Variants in MYO1D observed in about 807,000 individuals in gnomAD.
MYO1D encodes the protein unconventional myosin-Id.
A neutral mutation model predicts 122.0 loss-of-function variants in MYO1D; 83 were observed. The ratio of observed to expected loss-of-function variants is 0.68; its 90% CI spans 0.57 to 0.82. The LOEUF is 0.82. MYO1D is among the 40% of genes least tolerant of loss of function. The pLI is 0.00. For missense variants in MYO1D, 1,157 were observed against 1,269.5 expected (o/e 0.91, Z 1.35); for synonymous variants, 464 against 446.9 (o/e 1.04, Z -0.48).
chr17:32,800,780 T>TCA (rs1016951726), intron 1 of MYO1D, among the ~76,000 whole-genome samples: 5 of 152,140 alleles, frequency 3.3e-5, no homozygotes, highest in African/African-American at 1.2e-4. Context: ...TAATCATAGT[T>TCA]CACTATAGCT....
intron 1 of MYO1D, among the ~76,000 whole-genome samples, chr17:32,854,304 G>A (rs1385709650): frequency 1.3e-5 from 2 of 152,214 alleles, no homozygotes; most frequent in Non-Finnish European, 2.9e-5. Flanking sequence ...TCCTGGCAGA[G>A]TAGACTAGTA....
intron 21 of MYO1D, among the ~76,000 whole-genome samples, chr17:32,497,266 A>G (rs983907246): frequency 3.9e-5 from 6 of 152,040 alleles, no homozygotes; most frequent in African/African-American, 1.2e-4. Context: ...ATAGCCCAGG[A>G]GCCCATCGCT....
intron 2 of MYO1D, 88 bp from the exon 3 acceptor site, chr17:32,778,661 C>A (rs2090204963): frequency 4.3e-6 from 5 of 1,167,064 alleles, no homozygotes. Flanking sequence ...AAATCTGATA[C>A]TGGTGATGCA....
chr17:32,876,219 A>G (rs543328468), intron 1 of MYO1D, among the ~76,000 whole-genome samples: 1 of 152,310 alleles, frequency 6.6e-6, no homozygotes, highest in East Asian at 1.9e-4. Flanking sequence ...CGGAACAGAC[A>G]GCTCAGGGAT....
At chr17:32,807,675 G>A (rs1488974030) in intron 1 of MYO1D, among the ~76,000 whole-genome samples, 1 of 152,198 alleles carries the variant, frequency 6.6e-6, no homozygotes, top group Non-Finnish European at 1.5e-5. Context: ...GTGTGCACAT[G>A]CTTTGGTGAC....
At chr17:32,788,147 C>T (rs1338348170) in intron 1 of MYO1D, among the ~76,000 whole-genome samples, 1 of 152,146 alleles carries the variant, frequency 6.6e-6, no homozygotes, top group Non-Finnish European at 1.5e-5. Context: ...TGGTAATTCT[C>T]CATCCTGTCG....
At chr17:32,578,223 T>G (rs896354595) in intron 21 of MYO1D, among the ~76,000 whole-genome samples, 8 of 152,264 alleles carry the variant, frequency 5.3e-5, no homozygotes, top group African/African-American at 1.9e-4. Flanking sequence ...TAAGTTCTTT[T>G]ATTCAACCCA....
intron 1 of MYO1D, among the ~76,000 whole-genome samples, chr17:32,784,565 T>C (rs1486914290): frequency 3.3e-5 from 5 of 152,234 alleles, no homozygotes; most frequent in Admixed American, 6.5e-5. Context: ...CACTGGCTTT[T>C]AAGTGAAACA....
rs529824811 is a variant in MYO1D, at chr17:32,672,449, A to G, written c.2122-13111T>C. Among the ~76,000 whole-genome samples, 9 of 152,292 alleles carry G rather than the reference A, an allele frequency of 5.9e-5. No homozygotes were observed. In the East Asian group the frequency reaches 1.7e-3, roughly 29 times the overall value. On this transcript the variant is annotated intron_variant, in intron 16 of 21. Coordinates refer to ENST00000318217, the MANE Select transcript of MYO1D (RefSeq NM_015194.3). ...ACTACTACACTACTACATTCTTCAT[A>G]TATACGCAGATAATTCCCAATCATA...
chr17:32,643,606 T>C (rs192028422), intron 19 of MYO1D, among the ~76,000 whole-genome samples: 2 of 152,340 alleles, frequency 1.3e-5, no homozygotes, highest in African/African-American at 2.4e-5. Context: ...GATCCTGTTA[T>C]TGGTCTATTA....
At chr17:32,755,445 G>A in intron 11 of MYO1D, 47 bp downstream of exon 11, 2 of 1,575,598 alleles carry the variant, frequency 1.3e-6, no homozygotes, top group Non-Finnish European at 1.7e-6. Flanking sequence ...CAAACAATAA[G>A]GAGAACCTCA....
intron 16 of MYO1D, among the ~76,000 whole-genome samples, chr17:32,670,075 T>C (rs967030766): frequency 6.6e-6 from 1 of 152,086 alleles, no homozygotes; most frequent in Non-Finnish European, 1.5e-5. Flanking sequence ...TGTCTTTTTT[T>C]AGTAGAGACG....
chr17:32,834,977 A>G (rs2090808116), intron 1 of MYO1D, among the ~76,000 whole-genome samples: 1 of 152,202 alleles, frequency 6.6e-6, no homozygotes, highest in Non-Finnish European at 1.5e-5. Context: ...GCGCCACTGC[A>G]TTCCAGCCTG....
intron 8 of MYO1D, among the ~76,000 whole-genome samples, chr17:32,762,364 C>T (rs2090010062): frequency 6.6e-6 from 1 of 152,138 alleles, no homozygotes. Flanking sequence ...TTGCTTCTCT[C>T]ATTCTCCACA....
Position 32,849,705 on chromosome 17 carries a change from C to G in MYO1D, c.95+27073G>C, listed in dbSNP as rs542447869. On this transcript the variant is annotated intron_variant, in intron 1 of 21. Coordinates refer to ENST00000318217, the MANE Select transcript of MYO1D (RefSeq NM_015194.3). The stretch of plus-strand genomic sequence containing the variant: ...GGAGGGATAGCATTGGGAGATATAC[C>G]TAATGCTAGATGACGAGTTAGTGGG... 5.9e-5 allele frequency among the ~76,000 whole-genome samples: 9 copies of G among 151,956 alleles called. No individual in the cohort carries two copies. In the East Asian group the frequency reaches 1.7e-3, roughly 29 times the overall value.
intron 19 of MYO1D, among the ~76,000 whole-genome samples, chr17:32,641,022 G>C (rs895442924): frequency 6.6e-6 from 1 of 151,466 alleles, no homozygotes; most frequent in Non-Finnish European, 1.5e-5. Flanking sequence ...TGCCATGTTG[G>C]TGTGCTGCAC....
intron 21 of MYO1D, among the ~76,000 whole-genome samples, chr17:32,530,636 A>C (rs1910482134): frequency 6.6e-6 from 1 of 152,098 alleles, no homozygotes; most frequent in Non-Finnish European, 1.5e-5. Context: ...CCCCATCACT[A>C]TATGAAATGC....
chr17:32,841,269 C>T (rs2090877986), intron 1 of MYO1D, among the ~76,000 whole-genome samples: 1 of 152,034 alleles, frequency 6.6e-6, no homozygotes, highest in African/African-American at 2.4e-5. Context: ...GAGTTCAAGA[C>T]CAGCCTGGGT....
At chr17:32,507,296 C>A (rs1009621800) in intron 21 of MYO1D, among the ~76,000 whole-genome samples, 1 of 151,466 alleles carries the variant, frequency 6.6e-6, no homozygotes, top group South Asian at 2.1e-4. Flanking sequence ...TCCAGCTACT[C>A]GGGAGGCTGA....
Sources: gnomAD v4.1 joint callset for allele counts (sites outside exome capture counted in the v4.1 genomes callset) on GRCh38, gnomAD v4.1.1 for gene constraint, MANE v1.5 for transcripts, NCBI Gene and HGNC (gene_info 2026-07-23, HGNC 2026-07-21) for gene names.